Variants in MYH6 observed in about 807,000 individuals in gnomAD.
MYH6 encodes the protein myosin heavy chain 6.
A neutral mutation model predicts 223.2 loss-of-function variants in MYH6; 126 were observed. The observed-to-expected ratio is 0.56, with a 90% CI of 0.49 to 0.65. The LOEUF is 0.65. MYH6 is among the 30% of genes least tolerant of loss of function. The probability of loss-of-function intolerance (pLI) is 0.00; values close to 1 mark genes in which losing one functional copy is unlikely to be tolerated. For missense variants in MYH6, 2,040 were observed against 2,536.4 expected (o/e 0.80, Z 4.20); for synonymous variants, 978 against 1,010.2 (o/e 0.97, Z 0.61).
In MYH6 at chr14:23,402,529, T is replaced by A; in HGVS notation, c.1076A>T (p.His359Leu). Residue 359 changes from histidine to leucine, a missense_variant, in exon 12 of 39, where the codon CAC becomes CTC. His to Leu is a moderately conservative substitution (Grantham distance 99). Coordinates refer to ENST00000405093, the MANE Select transcript of MYH6 (RefSeq NM_002471.4). ...CTGCTTGAACTTCATGTTCCCGTAGTGCATGATGGCTCCCGTCAGCTTGTA... is the reference window on the plus strand; with the variant it reads ...CTGCTTGAACTTCATGTTCCCGTAGAGCATGATGGCTCCCGTCAGCTTGTA... Reference protein sequence around the residue: ...GVYKLTGAIMHYGNMKFKQKQ... With the variant: ...GVYKLTGAIMLYGNMKFKQKQ... 1 of 1,613,870 alleles carries A rather than the reference T, an allele frequency of 6.2e-7. No individual in the cohort carries two copies. The highest frequency in any genetic ancestry group is 8.5e-7 in the Non-Finnish European group (1 of 1,179,970).
rs759945266 is a variant in MYH6, at chr14:23,396,384, C to T, written c.2329G>A (p.Glu777Lys). The change falls in exon 20 of 39, where the codon GAG (glutamate) becomes AAG (lysine). Residue 777 changes from glutamate (E) to lysine (K), a missense_variant. Around this residue, in one of 4 missense-constraint regions of MYH6, gnomAD observed 649 missense variants for 877.3 expected, o/e 0.74. Coordinates refer to ENST00000405093, the MANE Select transcript of MYH6 (RefSeq NM_002471.4). ...FKAGLLGLLE[E>K]MRDERLSRII... Reference sequence around the variant, plus strand: ...CGGCTCAGCCTCTCATCCCGCATCTCCTCCAGCAGCCCAAGCAGCCCTGCC... The same window carrying T: ...CGGCTCAGCCTCTCATCCCGCATCTTCTCCAGCAGCCCAAGCAGCCCTGCC... 1.9e-6 allele frequency: 3 copies of T among 1,614,052 alleles called. No homozygotes were observed. The highest frequency in any genetic ancestry group is 1.7e-5 in the Admixed American group (1 of 60,038).
In MYH6 at chr14:23,405,548, C is replaced by T. The variant is rs1193917532; in HGVS notation, c.345+79G>A. On this transcript the variant is annotated intron_variant, in intron 4 of 38. Coordinates refer to ENST00000405093, the MANE Select transcript of MYH6 (RefSeq NM_002471.4). This position sits in a 1 kb window ranked among gnomAD's most constrained non-coding sequence, Gnocchi z 4.7. ...GGGTCCCTTGGGAGTCTCTCCCCCT[C>T]TTCTTGGGAGAGCCCCCCTGGCTTA... 2 of 1,606,340 alleles carry T rather than the reference C, an allele frequency of 1.2e-6. No individual in the cohort carries two copies. Among genetic ancestry groups the T allele is most frequent in the South Asian group, 1.1e-5 (1 of 90,528 alleles).
At chr14:23,386,901 T>C (rs1004662741) in intron 32 of MYH6, among the ~76,000 whole-genome samples, 1 of 152,188 alleles carries the variant, frequency 6.6e-6, no homozygotes, top group African/African-American at 2.4e-5. Context: ...TCTAAAGTAT[T>C]ATAGAAAATG....
rs1205782722 is a variant in MYH6, at chr14:23,394,310, C to T, written c.2443G>A (p.Val815Ile). The T allele has an allele frequency of 6.2e-7, 1 of 1,614,186 alleles. No homozygotes were observed. The highest frequency in any genetic ancestry group is 8.5e-7 in the Non-Finnish European group (1 of 1,180,040). The change falls in exon 21 of 39, where the codon GTA (valine) becomes ATA (isoleucine). Residue 815 changes from valine to isoleucine, a missense_variant. Val to Ile is a conservative substitution (Grantham distance 29). Around this residue, in one of 4 missense-constraint regions of MYH6, gnomAD observed 649 missense variants for 877.3 expected, o/e 0.74. Coordinates refer to ENST00000405093, the MANE Select transcript of MYH6 (RefSeq NM_002471.4). ...AAGGCCCGAATGTTCCACTGGATTA[C>T]CAGCAGGGCATCCCTGGCAAGGAAA... ...KIVERRDALL[V>I]IQWNIRAFMG...
chr14:23,400,049 A>G, intron 14 of MYH6: 1 of 749,508 alleles, frequency 1.3e-6, no homozygotes, highest in Non-Finnish European at 2.2e-6. Flanking sequence ...GGACCACCAC[A>G]AAGGGGCATA....
At chr14:23,400,618 T>C in intron 13 of MYH6, 91 bp downstream of exon 13, 1 of 1,605,930 alleles carries the variant, frequency 6.2e-7, no homozygotes, top group Non-Finnish European at 8.5e-7. Context: ...TGCCTTCCCA[T>C]GTCTGGTCCA....
intron 12 of MYH6, 53 bp downstream of exon 12, chr14:23,402,411 G>C: frequency 6.2e-7 from 1 of 1,608,938 alleles, no homozygotes; most frequent in Non-Finnish European, 8.5e-7. Flanking sequence ...GTCCCGCAGA[G>C]AGCCTGGTCA....
rs559973480 is a variant in MYH6 at position 23,407,147 on chromosome 14, G to C, written c.77C>G (p.Ala26Gly). Residue 26 changes from alanine to glycine, a missense_variant, in exon 3 of 39, where the codon GCC becomes GGC. Ala to Gly is a moderately conservative substitution (Grantham distance 60). Transcript: ENST00000405093. This position sits in a 1 kb window ranked among gnomAD's most constrained non-coding sequence, Gnocchi z 5.6. ...LRKSEKERLEAQTRPFDIRTE... is the reference protein window; with the variant it reads ...LRKSEKERLEGQTRPFDIRTE... ...GCGAATGTCAAAGGGCCGGGTCTGG[G>C]CCTCTAGACGCTCCTTCTCTGACTT... is the stretch of plus-strand genomic sequence containing the variant. 51 of 1,614,272 alleles carry C rather than the reference G, an allele frequency of 3.2e-5. No homozygotes were observed. The highest frequency in any genetic ancestry group is 1.8e-4 in the Admixed American group (11 of 60,026).
intron 6 of MYH6, 27 bp from the exon 7 acceptor site, chr14:23,404,849 C>T: frequency 1.2e-6 from 2 of 1,600,330 alleles, no homozygotes; most frequent in Non-Finnish European, 1.7e-6. Flanking sequence ...CCAATCAAAA[C>T]TCAGGATTCC....
At chr14:23,388,033 T>A in intron 30 of MYH6, 110 bp from the exon 31 acceptor site, 1 of 1,606,466 alleles carries the variant, frequency 6.2e-7, no homozygotes, top group East Asian at 2.2e-5. Flanking sequence ...GATCTGTCCC[T>A]GGTCCCGAGC....
chr14:23,394,047 G>T, intron 21 of MYH6, 21 bp downstream of exon 21: 1 of 1,614,056 alleles, frequency 6.2e-7, no homozygotes, highest in Non-Finnish European at 8.5e-7. Context: ...GAGGGCTGAA[G>T]AGATAATCAC....
chr14:23,391,562 A>C (rs999125581), intron 25 of MYH6, among the ~76,000 whole-genome samples: 4 of 152,216 alleles, frequency 2.6e-5, no homozygotes, highest in Non-Finnish European at 5.9e-5. Flanking sequence ...AATTGTGTTC[A>C]TACATTACTT....
At chr14:23,395,247 C>A (rs779211673) in intron 20 of MYH6, among the ~76,000 whole-genome samples, 8 of 152,210 alleles carry the variant, frequency 5.3e-5, no homozygotes, top group Non-Finnish European at 1.0e-4. Context: ...TGTATGTATC[C>A]TTCCAAGATT....
chr14:23,385,577 G>A (rs933904931), intron 34 of MYH6, among the ~76,000 whole-genome samples: 17 of 151,830 alleles, frequency 1.1e-4, no homozygotes, highest in African/African-American at 4.1e-4. Context: ...AGCCAGCTTG[G>A]TTTGCAAGAG....
In MYH6 at chr14:23,388,945, C is replaced by A. The variant is rs771103245; in HGVS notation, c.4089G>T (p.Leu1363=). The A allele has an allele frequency of 7.4e-6, 12 of 1,613,644 alleles. No individual in the cohort carries two copies. The Admixed American group carries it at 2.0e-4, about 27-fold the overall frequency. ...TEAKAELQRV[L]SKANSEVAQW... Reference sequence around the variant, plus strand: ...GGGCCACCTCCGAGTTGGCCTTGGACAGGACGCGCTGCAGCTCGGCCTTGG... The same window carrying A: ...GGGCCACCTCCGAGTTGGCCTTGGAAAGGACGCGCTGCAGCTCGGCCTTGG... The change falls in exon 29 of 39, where the codon CTG becomes CTT. Residue 1363 remains leucine, a synonymous_variant. Coordinates refer to ENST00000405093, the MANE Select transcript of MYH6 (RefSeq NM_002471.4).
At chr14:23,404,559 T>C in intron 7 of MYH6, 152 bp downstream of exon 7, 2 of 1,054,428 alleles carry the variant, frequency 1.9e-6, no homozygotes, top group South Asian at 2.6e-5. Context: ...GAGTGTCTCC[T>C]GTCAGGAAGG....
In MYH6 at chr14:23,398,751, G is replaced by C; in HGVS notation, c.1868C>G (p.Ser623Cys). ...ACCAGTATCGGCAGTTGCGTAGGAG[G>C]AGAAGAGAGTGGCCATGAGCTTGAG... ...SSLKLMATLF[S>C]SYATADTGDS... Residue 623 changes from serine (S) to cysteine (C), a missense_variant, in exon 15 of 39, where the codon TCC (serine) becomes TGC (cysteine). This residue lies in a region of MYH6 where 649 missense variants were observed against 877.3 expected (regional missense o/e 0.74). Coordinates refer to ENST00000405093, the MANE Select transcript of MYH6 (RefSeq NM_002471.4). The C allele has an allele frequency of 6.2e-7, 1 of 1,614,238 alleles. No individual in the cohort carries two copies. The highest frequency in any genetic ancestry group is 8.5e-7 in the Non-Finnish European group (1 of 1,180,048).
At chr14:23,382,391 G>A in intron 38 of MYH6, 37 bp downstream of exon 38, 3 of 1,613,486 alleles carry the variant, frequency 1.9e-6, no homozygotes, top group Non-Finnish European at 2.5e-6. Flanking sequence ...GCATGCTAAT[G>A]TGGAAGTGAC....
At position 23,384,444 on chromosome 14, in the gene MYH6, G is replaced by A. The variant is rs769420961; in HGVS notation, c.5563C>T (p.Gln1855Ter). The change falls in exon 36 of 39, where the codon CAG becomes TAG. Residue 1855 changes from glutamine (Q) to a stop codon, truncating the protein, a stop_gained and splice_region_variant. Coordinates refer to ENST00000405093, the MANE Select transcript of MYH6 (RefSeq NM_002471.4). LOFTEE classifies it high-confidence loss of function. ...CTGGTGTCTGGCGTCCGCCGCACCT[G>A]GTAGGTGAGCTCCTTGATGCGCCGC... ...SERRIKELTY[Q>*]TEEDKKNLLR... 1 of 1,610,386 alleles carries A rather than the reference G, an allele frequency of 6.2e-7. No homozygotes were observed. The highest frequency in any genetic ancestry group is 8.5e-7 in the Non-Finnish European group (1 of 1,180,008).
Sources: gnomAD v4.1 joint callset for allele counts (sites outside exome capture counted in the v4.1 genomes callset) on GRCh38, gnomAD v4.1.1 for gene constraint, gnomAD v4.1.1 regional missense constraint, Gnocchi (gnomAD v3.1) non-coding constraint, MANE v1.5 for transcripts, NCBI Gene and HGNC (gene_info 2026-07-23, HGNC 2026-07-21) for gene names.